ZNF157: variants seen among roughly 807,000 people sequenced by gnomAD.
ZNF157 encodes the protein zinc finger protein 22.
In ZNF157, 8 loss-of-function variants were observed where a neutral mutation model predicts 9.4. The ratio of observed to expected loss-of-function variants is 0.85; its 90% CI spans 0.50 to 1.53. The LOEUF (loss-of-function observed/expected upper bound fraction) is 1.53, where lower values mean the gene tolerates loss of function less well. Among genes scored for constraint, ZNF157 ranks in the 40% most tolerant of loss-of-function variants. The pLI is 0.00. For missense variants in ZNF157, 316 were observed against 385.2 expected (o/e 0.82, Z 1.50); for synonymous variants, 120 against 130.8 (o/e 0.92, Z 0.56).
Position 47,413,059 on chromosome X carries a change from C to T in ZNF157, c.986C>T (p.Pro329Leu). 1.7e-6 allele frequency: 2 copies of T among 1,210,614 alleles called. No individual in the cohort carries two copies. The highest frequency in any genetic ancestry group is 2.2e-6 in the Non-Finnish European group (2 of 894,914). ...CAAAGAATTCACACAGGTGAGAAAC[C>T]CTATGAGTGTGGTGAATGTGGGAAA... is the stretch of plus-strand genomic sequence containing the variant. ...QHQRIHTGEKPYECGECGKFF... is the reference protein window; with the variant it reads ...QHQRIHTGEKLYECGECGKFF... Residue 329 changes from proline (P) to leucine (L), a missense_variant, in exon 4 of 4, where the codon CCC (proline) becomes CTC (leucine). Transcript: ENST00000377073.
intron 1 of ZNF157, among the ~76,000 whole-genome samples, chrX:47,371,044 G>A (rs994276684): frequency 2.7e-5 from 3 of 111,402 alleles, no homozygotes; most frequent in Non-Finnish European, 5.7e-5. Context: ...TTTCAAGAAT[G>A]TTGTGGCTGG....
intron 1 of ZNF157, 50 bp downstream of exon 1, chrX:47,370,790 TATTTTTA>T: frequency 1.0e-6 from 1 of 998,641 alleles, no homozygotes; most frequent in Non-Finnish European, 1.3e-6. Context: ...TTTTTTTATT[TATTTTTA>T]GTTAAATTTA....
chrX:47,375,607 G>A (rs970396626), intron 1 of ZNF157, among the ~76,000 whole-genome samples: 1 of 110,896 alleles, frequency 9.0e-6, no homozygotes, highest in Non-Finnish European at 1.9e-5. Context: ...GTTTCATTCC[G>A]TTTCACCTGT....
intron 1 of ZNF157, among the ~76,000 whole-genome samples, chrX:47,401,545 C>T (rs771127551): frequency 1.5e-4 from 17 of 111,618 alleles, no homozygotes; most frequent in African/African-American, 5.5e-4. Context: ...GTGTTTCTCA[C>T]GTAGTACCAG....
intron 1 of ZNF157, among the ~76,000 whole-genome samples, chrX:47,399,150 G>C (rs994943381): frequency 4.5e-5 from 5 of 111,736 alleles, no homozygotes; most frequent in African/African-American, 1.6e-4. Context: ...CCCACACACT[G>C]TTCTGGTCCA....
intron 1 of ZNF157, among the ~76,000 whole-genome samples, chrX:47,380,330 C>A (rs928936076): frequency 9.0e-6 from 1 of 110,702 alleles, no homozygotes; most frequent in Non-Finnish European, 1.9e-5. Flanking sequence ...TGGAAGAGGG[C>A]CAAGCAGGCG....
At chrX:47,406,245 T>C (rs1177755794) in intron 1 of ZNF157, among the ~76,000 whole-genome samples, 2 of 110,630 alleles carry the variant, frequency 1.8e-5, no homozygotes, top group Non-Finnish European at 3.8e-5. Context: ...TTTCCTTTAA[T>C]AAGCGAATTA....
At chrX:47,384,476 T>G (rs2055873654) in intron 1 of ZNF157, among the ~76,000 whole-genome samples, 1 of 112,090 alleles carries the variant, frequency 8.9e-6, no homozygotes, top group South Asian at 3.7e-4. Context: ...CTCTTTTACC[T>G]CAATGTATTA....
chrX:47,413,253 G>A lies in ZNF157; in HGVS notation c.1180G>A (p.Ala394Thr), dbSNP rs772793782. 1.1e-5 allele frequency: 13 copies of A among 1,210,086 alleles called. No homozygotes were observed. Among genetic ancestry groups the A allele is most frequent in the Non-Finnish European group, 1.3e-5 (12 of 895,190 alleles). Residue 394 changes from alanine to threonine, a missense_variant, in exon 4 of 4, where the codon GCT (alanine) becomes ACT (threonine). Coordinates refer to ENST00000377073, the MANE Select transcript of ZNF157 (RefSeq NM_003446.4). ...TTACGAATGTAATGAGTGTGGTAAT[G>A]CTTTCTATGTGAAAGCACGCCTAAT... ...KPYECNECGNAFYVKARLIEH... is the reference protein window; with the variant it reads ...KPYECNECGNTFYVKARLIEH...
At chrX:47,389,502 C>T (rs1240397217) in intron 1 of ZNF157, among the ~76,000 whole-genome samples, 3 of 111,614 alleles carry the variant, frequency 2.7e-5, no homozygotes, top group Admixed American at 9.6e-5. Flanking sequence ...AGGCGCACGT[C>T]GCCATGCCTG....
intron 1 of ZNF157, among the ~76,000 whole-genome samples, chrX:47,394,690 C>A (rs1274485635): frequency 8.9e-6 from 1 of 111,910 alleles, no homozygotes; most frequent in South Asian, 3.7e-4. Flanking sequence ...AAACTAGAAG[C>A]ACCTTTAACA....
At chrX:47,408,708 G>A (rs916538444) in intron 1 of ZNF157, among the ~76,000 whole-genome samples, 1 of 111,923 alleles carries the variant, frequency 8.9e-6, no homozygotes, top group Non-Finnish European at 1.9e-5. Flanking sequence ...GAGCCACTGC[G>A]CCCGGACAGC....
At chrX:47,402,580 C>A (rs2055933648) in intron 1 of ZNF157, among the ~76,000 whole-genome samples, 1 of 103,590 alleles carries the variant, frequency 9.7e-6, no homozygotes, top group African/African-American at 3.6e-5. Context: ...TGCTCTGTCG[C>A]CCAGGCCGGA....
At chrX:47,393,864 A>G (rs759648404) in intron 1 of ZNF157, among the ~76,000 whole-genome samples, 1 of 108,556 alleles carries the variant, frequency 9.2e-6, no homozygotes, top group African/African-American at 3.3e-5. Flanking sequence ...CAGGAGGTTG[A>G]GTATGGGGCT....
chrX:47,376,641 A>T (rs1372554871), intron 1 of ZNF157, among the ~76,000 whole-genome samples: 2 of 111,274 alleles, frequency 1.8e-5, no homozygotes, highest in Non-Finnish European at 3.8e-5. Flanking sequence ...AAACTTCCCA[A>T]CTGTCTTCCC....
chrX:47,380,470 G>A (rs6651581), intron 1 of ZNF157, among the ~76,000 whole-genome samples: 3,953 of 111,447 alleles, frequency 0.035, 182 homozygotes, highest in African/African-American at 0.12. Context: ...CAGCGCTTGA[G>A]AAGGGGCCGC....
At chrX:47,398,241 G>A (rs760575926) in intron 1 of ZNF157, among the ~76,000 whole-genome samples, 1 of 111,326 alleles carries the variant, frequency 9.0e-6, no homozygotes, top group African/African-American at 3.3e-5. Context: ...TCAGACTCCT[G>A]CAGGACATTG....
intron 1 of ZNF157, among the ~76,000 whole-genome samples, chrX:47,405,727 G>A (rs1266391038): frequency 5.4e-5 from 6 of 111,367 alleles, no homozygotes; most frequent in Non-Finnish European, 9.4e-5. Flanking sequence ...AAACATTGCT[G>A]ACCCATCAAT....
rs1376021043 is a variant in ZNF157, at chrX:47,413,358, C to T, written c.1285C>T (p.Leu429Phe). Residue 429 changes from leucine (L) to phenylalanine (F), a missense_variant, in exon 4 of 4, where the codon CTT becomes TTT. Around this residue, in one of 3 missense-constraint regions of ZNF157, gnomAD observed 167 missense variants for 183.6 expected, o/e 0.91. Coordinates refer to ENST00000377073, the MANE Select transcript of ZNF157 (RefSeq NM_003446.4). ...GAAAATCTTCAGTATGAAGAAATCC[C>T]TTTGTCAACACCGGAGAACTCACAC... ...CGKIFSMKKS[L>F]CQHRRTHTGE... 1 of 1,211,601 alleles carries T rather than the reference C, an allele frequency of 8.3e-7. No individual in the cohort carries two copies. Among genetic ancestry groups the T allele is most frequent in the Non-Finnish European group, 1.1e-6 (1 of 895,321 alleles).
Sources: gnomAD v4.1 joint callset for allele counts (sites outside exome capture counted in the v4.1 genomes callset) on GRCh38, gnomAD v4.1.1 for gene constraint, gnomAD v4.1.1 regional missense constraint, MANE v1.5 for transcripts, NCBI Gene and HGNC (gene_info 2026-07-23, HGNC 2026-07-21) for gene names.